VEZT: variants seen among roughly 807,000 people sequenced by gnomAD.
VEZT encodes vezatin, adherens junctions transmembrane protein.
VEZT carries 39 observed loss-of-function variants against 79.9 expected under a neutral mutation model. The ratio of observed to expected loss-of-function variants is 0.49; its 90% CI spans 0.38 to 0.64. The LOEUF (loss-of-function observed/expected upper bound fraction) is 0.64. Among genes scored for constraint, VEZT ranks in the 30% least tolerant of loss-of-function variants. The pLI is 0.00. For missense variants in VEZT, 837 were observed against 893.1 expected, an observed-to-expected ratio of 0.94 and a Z score of 0.80; for synonymous variants, 325 against 327.6, an observed-to-expected ratio of 0.99 and a Z score of 0.09.
rs375871011 is a variant in VEZT at position 95,279,494 on chromosome 12, C to T, written c.997-2819C>T. On this transcript the variant is annotated intron_variant, in intron 7 of 11. Coordinates refer to ENST00000436874, the MANE Select transcript of VEZT (RefSeq NM_017599.4). ...GTTTACCTATCAGCTATGGTTATCT[C>T]CTTATCCAGAGGAGCTTTCCTTATC... Among the ~76,000 whole-genome samples, 20 of 152,266 alleles carry T rather than the reference C, an allele frequency of 1.3e-4. No individual in the cohort carries two copies. The East Asian group carries it at 1.4e-3, about 10-fold the overall frequency.
intron 1 of VEZT, chr12:95,224,261 C>A (rs1255084519): frequency 2.0e-5 from 9 of 455,394 alleles, no homozygotes; most frequent in Middle Eastern, 3.2e-4. Context: ...TGTCTGAATT[C>A]TTTCCCTCTA....
chr12:95,238,805 A>G (rs2060512312), intron 1 of VEZT, among the ~76,000 whole-genome samples: 1 of 152,206 alleles, frequency 6.6e-6, no homozygotes, highest in African/African-American at 2.4e-5. Context: ...TGATTTTAAT[A>G]CTTAAACACA....
At chr12:95,247,317 G>A (rs1400974676) in intron 1 of VEZT, among the ~76,000 whole-genome samples, 1 of 152,134 alleles carries the variant, frequency 6.6e-6, no homozygotes, top group Non-Finnish European at 1.5e-5. Context: ...TATATTATTT[G>A]TGTAAGCCTT....
intron 1 of VEZT, 102 bp downstream of exon 1, chr12:95,217,988 C>A: frequency 7.9e-7 from 1 of 1,267,638 alleles, no homozygotes; most frequent in Non-Finnish European, 1.1e-6. Flanking sequence ...TCGGGTGACG[C>A]GCTCCAGCTG....
At chr12:95,251,799 G>C (rs56075446) in intron 1 of VEZT, 141 bp from the exon 2 acceptor site, 48,949 of 614,922 alleles carry the variant, frequency 0.08, 2,789 homozygotes, top group African/African-American at 0.23. Context: ...TATTATAACA[G>C]ATAATTCAGT....
intron 10 of VEZT, among the ~76,000 whole-genome samples, chr12:95,295,319 C>G (rs780344950): frequency 1.3e-5 from 2 of 152,138 alleles, no homozygotes; most frequent in Non-Finnish European, 2.9e-5. Context: ...TGCCACCGCG[C>G]CTGGCTAATT....
intron 6 of VEZT, among the ~76,000 whole-genome samples, chr12:95,272,234 GGA>G (rs1010396599): frequency 7.6e-4 from 31 of 40,824 alleles, no homozygotes; most frequent in Non-Finnish European, 1.2e-3. Flanking sequence ...TTACTATGAA[GGA>G]AAAAAAAAAC....
chr12:95,277,155 T>A, intron 7 of VEZT, among the ~76,000 whole-genome samples: 1 of 151,566 alleles, frequency 6.6e-6, no homozygotes, highest in South Asian at 2.1e-4. Context: ...AGAACCTTTT[T>A]AATGATTTAT....
At chr12:95,289,371 C>T (rs551165430) in intron 9 of VEZT, among the ~76,000 whole-genome samples, 9 of 128,870 alleles carry the variant, frequency 7.0e-5, no homozygotes, top group East Asian at 2.5e-4. Flanking sequence ...GAGCTGAGAT[C>T]GTACCACTGC....
rs1186578968 is a variant in VEZT, at chr12:95,251,960, C to T, written c.57C>T (p.Tyr19=). 6.2e-7 allele frequency: 1 copy of T among 1,607,506 alleles called. No individual in the cohort carries two copies. Among genetic ancestry groups the T allele is most frequent in the Admixed American group, 1.7e-5 (1 of 58,646 alleles). ...VVFENSPLYQ[Y]LQDLGHTDFE... ...TTCAGAATTCTCCACTTTACCAATA[C>T]TTACAGGATCTGGGACACACAGACT... Residue 19 remains tyrosine (Y), a synonymous_variant, in exon 2 of 12, where the codon TAC becomes TAT. Transcript: ENST00000436874.
At chr12:95,251,463 C>A (rs889005856) in intron 1 of VEZT, among the ~76,000 whole-genome samples, 9 of 152,000 alleles carry the variant, frequency 5.9e-5, no homozygotes, top group African/African-American at 4.8e-5. Context: ...GTAGATAATA[C>A]GTATTTGTGC....
At chr12:95,248,793 G>C (rs2062061258) in intron 1 of VEZT, among the ~76,000 whole-genome samples, 1 of 144,086 alleles carries the variant, frequency 6.9e-6, no homozygotes, top group African/African-American at 2.6e-5. Flanking sequence ...TTCTAGGCCA[G>C]CCTGGACAAC....
At chr12:95,282,252 T>C in intron 7 of VEZT, 61 bp from the exon 8 acceptor site, 1 of 1,402,842 alleles carries the variant, frequency 7.1e-7, no homozygotes, top group East Asian at 2.4e-5. Context: ...AAATTTATAG[T>C]TTGTTTTGAA....
At chr12:95,256,427 C>A in intron 2 of VEZT, 1 of 438,712 alleles carries the variant, frequency 2.3e-6, no homozygotes, top group Non-Finnish European at 3.6e-6. Context: ...CTGACCTCCT[C>A]TTTTCCAATA....
Position 95,300,810 on chromosome 12 carries a change from T to C in VEZT, c.*137T>C. On this transcript the variant is annotated 3_prime_UTR_variant, in exon 12 of 12. Transcript: ENST00000436874. The stretch of plus-strand genomic sequence containing the variant: ...TGGATTTACAGGAAGAACCCTGGTT[T>C]GAATAACTGATCTGAAATTAGTAGT... 1 of 1,215,690 alleles carries C rather than the reference T, an allele frequency of 8.2e-7. No individual in the cohort carries two copies. The highest frequency in any genetic ancestry group is 1.5e-5 in the African/African-American group (1 of 64,878). The allele number at this position is 1,215,690 out of a possible 1,614,324, so 75.3% of individuals were successfully genotyped here.
intron 7 of VEZT, among the ~76,000 whole-genome samples, chr12:95,281,364 G>A (rs1345869472): frequency 3.3e-5 from 5 of 152,060 alleles, no homozygotes; most frequent in East Asian, 1.9e-4. Context: ...TGTGTTTCCC[G>A]CTACTCAGGA....
chr12:95,255,360 T>C (rs1158830256), intron 2 of VEZT, among the ~76,000 whole-genome samples: 1 of 152,194 alleles, frequency 6.6e-6, no homozygotes, highest in East Asian at 1.9e-4. Context: ...TAAATCTAAC[T>C]CTTATTCATG....
In VEZT at chr12:95,300,912, T is replaced by G. The variant is rs1477874153; in HGVS notation, c.*239T>G. The G allele has an allele frequency of 3.1e-6, 1 of 320,590 alleles. No homozygotes were observed. Among genetic ancestry groups the G allele is most frequent in the Non-Finnish European group, 5.5e-6 (1 of 181,068 alleles). 19.9% of individuals were successfully genotyped at this position (320,590 alleles called of 1,614,324 possible). A position where few individuals can be genotyped will look rare whatever the true frequency, so the allele number is the denominator to read the frequency against. On this transcript the variant is annotated 3_prime_UTR_variant, in exon 12 of 12. Coordinates refer to ENST00000436874, the MANE Select transcript of VEZT (RefSeq NM_017599.4). ...TTTGAATAAACTGCTGTTTTATTTG[T>G]GGCACAACTGATCAATCTTGGAAAT...
intron 1 of VEZT, among the ~76,000 whole-genome samples, chr12:95,225,588 A>G (rs894858112): frequency 1.1e-4 from 17 of 151,592 alleles, no homozygotes; most frequent in African/African-American, 3.9e-4. Context: ...AACAAAACAA[A>G]AGCCATCACC....
Sources: allele counts gnomAD v4.1 joint callset (sites outside exome capture counted in the v4.1 genomes callset), GRCh38; gene constraint gnomAD v4.1.1; transcripts MANE v1.5; gene names NCBI Gene and HGNC (gene_info 2026-07-23, HGNC 2026-07-21).